Variants in TBXAS1 observed in about 807,000 individuals in gnomAD.
The protein encoded by TBXAS1 is thromboxane-A synthase.
In TBXAS1, 48 loss-of-function variants were observed where a neutral mutation model predicts 60.7. The observed-to-expected ratio is 0.79, with a 90% CI of 0.63 to 1.01. The LOEUF (loss-of-function observed/expected upper bound fraction) is 1.01. Among genes scored for constraint, TBXAS1 ranks in the 50% least tolerant of loss-of-function variants. The probability of loss-of-function intolerance (pLI) is 0.00; values close to 1 mark genes in which losing one functional copy is unlikely to be tolerated. For synonymous variants in TBXAS1, 287 were observed against 269.7 expected (o/e 1.06, Z -0.63); for missense variants, 685 against 686.3 (o/e 1.00, Z 0.02).
chr7:139,914,486 G>T (rs1250640395), intron 4 of TBXAS1, among the ~76,000 whole-genome samples: 1 of 152,072 alleles, frequency 6.6e-6, no homozygotes, highest in Non-Finnish European at 1.5e-5. Context: ...GGAGTTGGGG[G>T]ATATGATCCA....
At chr7:139,796,272 A>G (rs772130752) in intron 4 of TBXAS1, among the ~76,000 whole-genome samples, 5 of 152,208 alleles carry the variant, frequency 3.3e-5, no homozygotes, top group Admixed American at 6.5e-5. Context: ...GAATAAACCA[A>G]CTAGGGTTCA....
chr7:139,807,594 A>G (rs1193685943), intron 4 of TBXAS1, among the ~76,000 whole-genome samples: 1 of 152,162 alleles, frequency 6.6e-6, no homozygotes, highest in Non-Finnish European at 1.5e-5. Context: ...CATGTTGGCC[A>G]GGATGGTCTC....
At chr7:140,019,167 T>C (rs1585071616) in intron 12 of TBXAS1, among the ~76,000 whole-genome samples, 1 of 152,162 alleles carries the variant, frequency 6.6e-6, no homozygotes, top group African/African-American at 2.4e-5. Context: ...CAGCTGCTGG[T>C]CCTGGAGGAA....
chr7:139,931,945 A>G (rs1807360328), intron 4 of TBXAS1, among the ~76,000 whole-genome samples: 1 of 152,074 alleles, frequency 6.6e-6, no homozygotes, highest in South Asian at 2.1e-4. Context: ...TAAGATGCGA[A>G]AAGTTCTGTG....
intron 3 of TBXAS1, among the ~76,000 whole-genome samples, chr7:139,783,807 C>T (rs539576093): frequency 2.0e-5 from 3 of 152,296 alleles, no homozygotes; most frequent in East Asian, 1.9e-4. Flanking sequence ...TTGACTGTCA[C>T]GGCAGAGGGC....
At chr7:139,981,960 A>C (rs918132476) in intron 9 of TBXAS1, among the ~76,000 whole-genome samples, 1 of 152,254 alleles carries the variant, frequency 6.6e-6, no homozygotes, top group African/African-American at 2.4e-5. Context: ...TGCATAATAC[A>C]ATACAGCTGT....
At chr7:139,803,255 A>G (rs1185304896) in intron 4 of TBXAS1, among the ~76,000 whole-genome samples, 3 of 152,200 alleles carry the variant, frequency 2.0e-5, no homozygotes, top group Non-Finnish European at 4.4e-5. Flanking sequence ...TCAGACGGAG[A>G]TGAGGAACTT....
chr7:139,997,214 G>A (rs1218447164), intron 9 of TBXAS1, among the ~76,000 whole-genome samples: 1 of 152,058 alleles, frequency 6.6e-6, no homozygotes, highest in Non-Finnish European at 1.5e-5. Flanking sequence ...GGAGTAAATA[G>A]AGGGAACCAG....
intron 9 of TBXAS1, among the ~76,000 whole-genome samples, chr7:139,984,036 C>T (rs1362608911): frequency 2.6e-5 from 4 of 152,276 alleles, no homozygotes; most frequent in South Asian, 4.2e-4. Context: ...GTATCTTCCC[C>T]GACCCTGTGA....
intron 3 of TBXAS1, among the ~76,000 whole-genome samples, chr7:139,887,662 T>C (rs1440449860): frequency 2.0e-5 from 3 of 152,242 alleles, no homozygotes; most frequent in Admixed American, 1.3e-4. Context: ...CTTTTGTTTA[T>C]TCGTTTGTTT....
At chr7:139,816,279 G>A (rs557392289) in intron 4 of TBXAS1, among the ~76,000 whole-genome samples, 13 of 152,274 alleles carry the variant, frequency 8.5e-5, no homozygotes, top group South Asian at 6.2e-4. Flanking sequence ...CTCTAGAGCC[G>A]TGTGAAAATC....
In TBXAS1 at chr7:139,973,842, C is replaced by A. The variant is rs941253918; in HGVS notation, c.1134+11609C>A. On this transcript the variant is annotated intron_variant, in intron 9 of 12. Transcript: ENST00000448866. The stretch of plus-strand genomic sequence containing the variant: ...TGGTCGCACAAGTTGTTTTTCAAAG[C>A]CTCATTCCTCGAATGTTCCCTATAG... Among the ~76,000 whole-genome samples, 9 of 152,046 alleles carry A rather than the reference C, an allele frequency of 5.9e-5. 1 individual carries two copies. Among genetic ancestry groups the A allele is most frequent in the Admixed American group, 5.9e-4 (9 of 15,270 alleles).
intron 1 of TBXAS1, among the ~76,000 whole-genome samples, chr7:139,854,721 T>C (rs1800467101): frequency 6.6e-6 from 1 of 152,154 alleles, no homozygotes; most frequent in Non-Finnish European, 1.5e-5. Flanking sequence ...AAAGATAGCA[T>C]GAAGTTTCAA....
chr7:139,894,603 C>T (rs1803931414), intron 3 of TBXAS1, among the ~76,000 whole-genome samples: 1 of 152,168 alleles, frequency 6.6e-6, no homozygotes, highest in African/African-American at 2.4e-5. Context: ...GGGATTGGTC[C>T]AAATTCACCA....
rs66551791 is a variant in TBXAS1, at chr7:139,951,593, T to TAAAAAAAAAAA, written c.451-1755_451-1745dup. 2.7e-4 allele frequency among the ~76,000 whole-genome samples: 18 copies of TAAAAAAAAAAA among 66,308 alleles called. 1 individual carries two copies. Among genetic ancestry groups the TAAAAAAAAAAA allele is most frequent in the African/African-American group, 6.8e-4 (11 of 16,244 alleles). 43.5% of individuals were successfully genotyped at this position (66,308 alleles called of 152,430 possible). On this transcript the variant is annotated intron_variant, in intron 5 of 12. Coordinates refer to ENST00000448866, the MANE Select transcript of TBXAS1 (RefSeq NM_001061.7). ...CAACATGGTGGAATCCCGTCTCTAC[T>TAAAAAAAAAAA]AAAAAAAAAAAAAAAAAAAAAAAAA...
chr7:139,960,494 T>C (rs1010538520), intron 8 of TBXAS1, among the ~76,000 whole-genome samples: 2 of 152,082 alleles, frequency 1.3e-5, no homozygotes, highest in African/African-American at 2.4e-5. Flanking sequence ...TCTTAAAAGA[T>C]GGAATCATCA....
chr7:140,003,760 C>A (rs1585041054), intron 9 of TBXAS1, among the ~76,000 whole-genome samples: 1 of 152,130 alleles, frequency 6.6e-6, no homozygotes. Context: ...TTTTTGTGTA[C>A]CGCACCTCTG....
intron 1 of TBXAS1, among the ~76,000 whole-genome samples, chr7:139,849,409 A>C (rs546639937): frequency 2.6e-5 from 4 of 152,152 alleles, no homozygotes; most frequent in East Asian, 3.9e-4. Flanking sequence ...ACAAAAAAAA[A>C]ACAACCCACC....
intron 9 of TBXAS1, among the ~76,000 whole-genome samples, chr7:139,970,879 G>A (rs1027568407): frequency 2.0e-5 from 3 of 152,000 alleles, no homozygotes; most frequent in Non-Finnish European, 2.9e-5. Context: ...CACATCCAAC[G>A]GGACCCTCAG....
Sources: gnomAD v4.1 joint callset for allele counts (sites outside exome capture counted in the v4.1 genomes callset) on GRCh38, gnomAD v4.1.1 for gene constraint, MANE v1.5 for transcripts, NCBI Gene and HGNC (gene_info 2026-07-23, HGNC 2026-07-21) for gene names.